Variants in HNRNPL observed in about 807,000 individuals in gnomAD.
HNRNPL encodes heterogeneous nuclear ribonucleoprotein L.
In HNRNPL, 12 loss-of-function variants were observed where a neutral mutation model predicts 64.0. The observed-to-expected ratio is 0.19, with a 90% CI of 0.12 to 0.30. The LOEUF (loss-of-function observed/expected upper bound fraction) is 0.30. Ranked by LOEUF, HNRNPL falls within the 10% of genes least tolerant of loss-of-function variation. The pLI, the probability that HNRNPL is intolerant of heterozygous loss-of-function variation, is 1.00. For missense variants in HNRNPL, 484 were observed against 797.4 expected (o/e 0.61, Z 4.73); for synonymous variants, 385 against 313.0 (o/e 1.23, Z -2.43).
In HNRNPL at chr19:38,836,997, C is replaced by G. The variant is rs1971950623; in HGVS notation, c.1712-217G>C. On this transcript the variant is annotated intron_variant, in intron 12 of 12. Transcript: ENST00000221419. The stretch of plus-strand genomic sequence containing the variant: ...TTCCCATAGAGAATCCCATTCCTAT[C>G]TCCTTCGCCAGCCCAAGGCAATGGG... 7.3e-6 allele frequency: 4 copies of G among 550,080 alleles called. No individual in the cohort carries two copies. The South Asian group carries it at 1.0e-4, about 14-fold the overall frequency. The allele number at this position is 550,080 out of a possible 1,614,324, so 34.1% of individuals were successfully genotyped here.
Position 38,845,747 on chromosome 19 carries a change from A to C in HNRNPL, c.625-12T>G. 6.2e-7 allele frequency: 1 copy of C among 1,612,620 alleles called. No homozygotes were observed. Among genetic ancestry groups the C allele is most frequent in the Non-Finnish European group, 8.5e-7 (1 of 1,178,592 alleles). ...GTGTAAAGAACATCCTGCAAAAGCA[A>C]ACACAGGCAAGATGAAGGGGCACTG... On this transcript the variant is annotated splice_polypyrimidine_tract_variant and intron_variant, in intron 3 of 12. Coordinates refer to ENST00000221419, the MANE Select transcript of HNRNPL (RefSeq NM_001533.3).
At chr19:38,837,078 C>G (rs1326345065) in intron 12 of HNRNPL, 8 of 547,434 alleles carry the variant, frequency 1.5e-5, no homozygotes, top group Non-Finnish European at 2.6e-5. Context: ...TTGCCTCTTT[C>G]CTAGGTAACA....
chr19:38,836,882 G>A lies in HNRNPL; in HGVS notation c.1712-102C>T, dbSNP rs867174411. 1.8e-5 allele frequency: 15 copies of A among 814,038 alleles called. No homozygotes were observed. The Middle Eastern group carries it at 6.9e-4, about 37-fold the overall frequency. 50.4% of individuals were successfully genotyped at this position (814,038 alleles called of 1,614,324 possible). On this transcript the variant is annotated intron_variant, in intron 12 of 12. Transcript: ENST00000221419. ...CATCTCCCATTTTCTGCAGGTCAAC[G>A]GCAGGGGTCTAAGGAGTGACTGCCC...
intron 10 of HNRNPL, 64 bp downstream of exon 10, chr19:38,838,333 T>C (rs1482106846): frequency 4.4e-6 from 6 of 1,372,206 alleles, no homozygotes; most frequent in Middle Eastern, 1.8e-4. Context: ...AAGACTGAAA[T>C]GAATGGCCTA....
chr19:38,852,308 G>A (rs2145448564), upstream of HNRNPL: 1 of 152,074 alleles, frequency 6.6e-6, no homozygotes, highest in South Asian at 2.1e-4. Flanking sequence ...GCTCGGCGGC[G>A]AGCCTGACCG....
chr19:38,838,737 C>T, intron 9 of HNRNPL, 139 bp from the exon 10 acceptor site: 3 of 1,306,352 alleles, frequency 2.3e-6, no homozygotes, highest in Non-Finnish European at 3.3e-6. Context: ...GACTCACTTT[C>T]TCCTGTGGTG....
intron 8 of HNRNPL, 80 bp from the exon 9 acceptor site, chr19:38,839,095 T>A: frequency 6.4e-7 from 1 of 1,566,096 alleles, no homozygotes; most frequent in African/African-American, 1.3e-5. Flanking sequence ...TTAGTGATAA[T>A]AACCCCTGCT....
chr19:38,849,679 C>T (rs1469048844), intron 1 of HNRNPL, 21 bp downstream of exon 1: 2 of 1,311,220 alleles, frequency 1.5e-6, no homozygotes, highest in Middle Eastern at 2.9e-4. Flanking sequence ...GCCTTCCCAG[C>T]GCCTAGGGCC....
intron 8 of HNRNPL, chr19:38,839,324 G>A (rs1321821790): frequency 1.7e-5 from 6 of 344,434 alleles, no homozygotes; most frequent in Admixed American, 1.3e-4. Context: ...ACACACAGAC[G>A]TGTGTGATCT....
At chr19:38,846,404 C>A (rs1313973715) in intron 2 of HNRNPL, among the ~76,000 whole-genome samples, 1 of 152,186 alleles carries the variant, frequency 6.6e-6, no homozygotes, top group Non-Finnish European at 1.5e-5. Flanking sequence ...CTAAGAGAAG[C>A]ATCCAGATAC....
Position 38,838,983 on chromosome 19 carries a change from G to C in HNRNPL, c.1266C>G (p.Ala422=). Residue 422 remains alanine (A), a synonymous_variant, in exon 9 of 13, where the codon GCC becomes GCG. Transcript: ENST00000221419. ...CGTAGCCATCAGCCATCTCCACCATGGCGGCCCCCGGCTTGCTTTTCATGA... is the reference window on the plus strand; with the variant it reads ...CGTAGCCATCAGCCATCTCCACCATCGCGGCCCCCGGCTTGCTTTTCATGA... ...VKFMKSKPGA[A]MVEMADGYAV... is the part of the protein sequence containing the mutation. 1.2e-6 allele frequency: 2 copies of C among 1,614,144 alleles called. No homozygotes were observed. Among genetic ancestry groups the C allele is most frequent in the Non-Finnish European group, 1.7e-6 (2 of 1,180,018 alleles).
At chr19:38,847,985 G>A (rs1362881960) in intron 1 of HNRNPL, among the ~76,000 whole-genome samples, 3 of 152,142 alleles carry the variant, frequency 2.0e-5, no homozygotes, top group Non-Finnish European at 4.4e-5. Context: ...AGAAACTGGG[G>A]CAGCCAGGCC....
chr19:38,840,658 A>T (rs1972086689), intron 6 of HNRNPL, 99 bp from the exon 7 acceptor site: 2 of 896,782 alleles, frequency 2.2e-6, no homozygotes, highest in Non-Finnish European at 3.5e-6. Flanking sequence ...GCTCCTGCCA[A>T]CTGCAAGCCC....
At chr19:38,841,883 A>AG (rs1972128693) in intron 6 of HNRNPL, 1 of 371,156 alleles carries the variant, frequency 2.7e-6, no homozygotes, top group African/African-American at 2.1e-5. Flanking sequence ...ACCTCCTCAC[A>AG]TATGTGCTGC....
chr19:38,841,350 A>G (rs1394414524), intron 6 of HNRNPL: 1 of 348,752 alleles, frequency 2.9e-6, no homozygotes, highest in Non-Finnish European at 5.6e-6. Context: ...CATTTTACAG[A>G]TAAGAAGACT....
chr19:38,836,702 G>T lies in HNRNPL; in HGVS notation c.*20C>A. On this transcript the variant is annotated 3_prime_UTR_variant, in exon 13 of 13. Coordinates refer to ENST00000221419, the MANE Select transcript of HNRNPL (RefSeq NM_001533.3). ...GAGAAATGTCTTCCTGCTCAGATGG[G>T]ACTCTTCCTAGGCACCTAATTAGGA... The T allele has an allele frequency of 6.3e-7, 1 of 1,574,824 alleles. No homozygotes were observed. The highest frequency in any genetic ancestry group is 8.7e-7 in the Non-Finnish European group (1 of 1,150,700).
chr19:38,843,411 A>G (rs972395082), intron 6 of HNRNPL: 5 of 198,352 alleles, frequency 2.5e-5, no homozygotes, highest in Non-Finnish European at 5.3e-5. Flanking sequence ...AGAGCCCAGG[A>G]GACCTCATCG....
intron 1 of HNRNPL, among the ~76,000 whole-genome samples, chr19:38,848,459 G>A (rs1053169995): frequency 3.3e-5 from 5 of 152,190 alleles, no homozygotes; most frequent in South Asian, 4.1e-4. Context: ...TCCTTCCTAA[G>A]AGAAGTATCT....
upstream of HNRNPL, among the ~76,000 whole-genome samples, chr19:38,851,491 G>T (rs1462840498): frequency 6.6e-6 from 1 of 152,234 alleles, no homozygotes; most frequent in Non-Finnish European, 1.5e-5. Context: ...GGGGGGAAAA[G>T]AAATAAAAGC....
Sources: gnomAD v4.1 joint callset for allele counts (sites outside exome capture counted in the v4.1 genomes callset) on GRCh38, gnomAD v4.1.1 for gene constraint, MANE v1.5 for transcripts, NCBI Gene and HGNC (gene_info 2026-07-23, HGNC 2026-07-21) for gene names.